The following TLL1 variants were observed in gnomAD, a reference collection of about 807,000 sequenced individuals.
TLL1 encodes tolloid-like protein 1.
TLL1 carries 49 observed loss-of-function variants against 128.2 expected under a neutral mutation model. That is an observed-to-expected ratio of 0.38 (90% CI 0.30 to 0.48). TLL1 has a LOEUF of 0.48. Ranked by LOEUF, TLL1 falls within the 20% of genes least tolerant of loss-of-function variation. The pLI, the probability that TLL1 is intolerant of heterozygous loss-of-function variation, is 0.96. For synonymous variants in TLL1, 454 were observed against 418.8 expected, an observed-to-expected ratio of 1.08 and a Z score of -1.03; for missense variants, 1,123 against 1,242.0, an observed-to-expected ratio of 0.90 and a Z score of 1.44.
intron 1 of TLL1, among the ~76,000 whole-genome samples, chr4:165,963,729 T>A (rs1203828412): frequency 6.6e-6 from 1 of 152,100 alleles, no homozygotes; most frequent in African/African-American, 2.4e-5. Flanking sequence ...GATAACACAC[T>A]CTGTCTTCGC....
intron 1 of TLL1, among the ~76,000 whole-genome samples, chr4:165,956,068 T>C (rs1734775266): frequency 6.6e-6 from 1 of 151,810 alleles, no homozygotes; most frequent in East Asian, 1.9e-4. Flanking sequence ...ATCACATGCT[T>C]CAAAGGGCAA....
intron 16 of TLL1, among the ~76,000 whole-genome samples, chr4:166,067,143 T>A (rs1384742682): frequency 1.3e-5 from 2 of 151,798 alleles, no homozygotes; most frequent in Non-Finnish European, 2.9e-5. Flanking sequence ...TTACGCAATA[T>A]ACCCATGTAA....
At chr4:166,043,150 T>G in intron 11 of TLL1, 124 bp from the exon 12 acceptor site, 1 of 1,342,430 alleles carries the variant, frequency 7.4e-7, no homozygotes, top group Non-Finnish European at 1.1e-6. Flanking sequence ...CAACTTTGAT[T>G]TTTATAGCCT....
chr4:166,043,513 A>T, intron 12 of TLL1, 94 bp downstream of exon 12: 5 of 1,566,564 alleles, frequency 3.2e-6, no homozygotes, highest in African/African-American at 1.4e-5. Flanking sequence ...AGAAACAGAG[A>T]GTCAGCCTTT....
chr4:165,949,350 C>T (rs1364238464), intron 1 of TLL1, among the ~76,000 whole-genome samples: 1 of 152,020 alleles, frequency 6.6e-6, no homozygotes, highest in Non-Finnish European at 1.5e-5. Context: ...AAAAATGTAG[C>T]CCTACTAATA....
intron 1 of TLL1, among the ~76,000 whole-genome samples, chr4:165,987,484 T>C (rs922581712): frequency 1.4e-4 from 21 of 152,074 alleles, no homozygotes; most frequent in African/African-American, 5.1e-4. Flanking sequence ...TCTTAGCTAG[T>C]GTTATAAACT....
chr4:166,038,910 C>G (rs1739118946), intron 9 of TLL1, among the ~76,000 whole-genome samples: 2 of 151,960 alleles, frequency 1.3e-5, no homozygotes, highest in African/African-American at 4.8e-5. Flanking sequence ...TTATAGATGT[C>G]TGACTGGTCA....
intron 1 of TLL1, among the ~76,000 whole-genome samples, chr4:165,932,862 T>C (rs1207301954): frequency 6.6e-6 from 1 of 152,054 alleles, no homozygotes; most frequent in African/African-American, 2.4e-5. Flanking sequence ...TGATATTGAA[T>C]TGTTCAATGT....
At chr4:165,962,221 AT>A (rs1735140125) in intron 1 of TLL1, among the ~76,000 whole-genome samples, 1 of 152,164 alleles carries the variant, frequency 6.6e-6, no homozygotes, top group Non-Finnish European at 1.5e-5. Context: ...ACTTAAATCC[AT>A]AAACAAAAAA....
chr4:166,017,867 G>C (rs923191811), intron 8 of TLL1, among the ~76,000 whole-genome samples: 2 of 152,016 alleles, frequency 1.3e-5, no homozygotes, highest in Admixed American at 6.6e-5. Context: ...TGACTTATCA[G>C]GATAAGGACA....
At chr4:166,069,223 G>A (rs1740704893) in intron 16 of TLL1, among the ~76,000 whole-genome samples, 1 of 151,640 alleles carries the variant, frequency 6.6e-6, no homozygotes, top group Non-Finnish European at 1.5e-5. Flanking sequence ...ATCTAATAAA[G>A]ATGTTAATAT....
At chr4:165,971,516 C>T (rs991388022) in intron 1 of TLL1, among the ~76,000 whole-genome samples, 1 of 152,018 alleles carries the variant, frequency 6.6e-6, no homozygotes, top group Non-Finnish European at 1.5e-5. Flanking sequence ...CAAAAAGATC[C>T]CAAAGTGCCC....
chr4:166,002,970 A>G (rs1161078082), intron 5 of TLL1, among the ~76,000 whole-genome samples: 3 of 152,204 alleles, frequency 2.0e-5, no homozygotes, highest in African/African-American at 7.2e-5. Context: ...ACAAAGTAGT[A>G]ACCTAAGTAA....
chr4:165,948,428 G>A (rs953701663), intron 1 of TLL1, among the ~76,000 whole-genome samples: 2 of 152,116 alleles, frequency 1.3e-5, no homozygotes, highest in South Asian at 4.1e-4. Context: ...AATGAGACTT[G>A]TCTTAGTCCA....
intron 1 of TLL1, among the ~76,000 whole-genome samples, chr4:165,976,646 A>G (rs1735897848): frequency 6.6e-6 from 1 of 152,232 alleles, no homozygotes; most frequent in Non-Finnish European, 1.5e-5. Context: ...ATAAAGATTC[A>G]TATAAAGTGA....
chr4:166,014,264 T>C (rs2111050594), intron 7 of TLL1, among the ~76,000 whole-genome samples, 172 bp from the exon 8 acceptor site: 1 of 152,002 alleles, frequency 6.6e-6, no homozygotes, highest in African/African-American at 2.4e-5. Context: ...TTAACATGCT[T>C]TTTTTTCTAC....
At chr4:166,063,213 T>A (rs1740416117) in intron 15 of TLL1, among the ~76,000 whole-genome samples, 1 of 152,088 alleles carries the variant, frequency 6.6e-6, no homozygotes, top group Non-Finnish European at 1.5e-5. Context: ...AGGAAGACAT[T>A]TATGCAGCCA....
At chr4:165,991,472 T>C (rs901691552) in intron 2 of TLL1, among the ~76,000 whole-genome samples, 2 of 152,118 alleles carry the variant, frequency 1.3e-5, no homozygotes, top group Admixed American at 1.3e-4. Flanking sequence ...TATTTAAGTA[T>C]TACCTCATCT....
chr4:165,955,969 C>A (rs954030859), intron 1 of TLL1, among the ~76,000 whole-genome samples: 1 of 152,044 alleles, frequency 6.6e-6, no homozygotes, highest in Non-Finnish European at 1.5e-5. Context: ...TCAGTAGGAC[C>A]GTGATGCCCA....
Sources: allele counts gnomAD v4.1 joint callset (sites outside exome capture counted in the v4.1 genomes callset), GRCh38; gene constraint gnomAD v4.1.1; transcripts MANE v1.5; gene names NCBI Gene and HGNC (gene_info 2026-07-23, HGNC 2026-07-21).